Variants in FHIT observed in about 807,000 individuals in gnomAD.
FHIT encodes the protein fragile histidine triad diadenosine triphosphatase.
A neutral mutation model predicts 17.9 loss-of-function variants in FHIT; 19 were observed. The observed-to-expected ratio is 1.06, with a 90% CI of 0.74 to 1.56. The LOEUF (loss-of-function observed/expected upper bound fraction) is 1.56. Ranked by LOEUF, FHIT falls within the 40% of genes most tolerant of loss-of-function variation. The probability of loss-of-function intolerance (pLI) is 0.00; values close to 1 mark genes in which losing one functional copy is unlikely to be tolerated. For synonymous variants in FHIT, 81 were observed against 69.7 expected, an observed-to-expected ratio of 1.16 and a Z score of -0.81; for missense variants, 248 against 189.2, an observed-to-expected ratio of 1.31 and a Z score of -1.82.
At chr3:60,162,714 T>C (rs1432588377) in intron 5 of FHIT, among the ~76,000 whole-genome samples, 1 of 152,194 alleles carries the variant, frequency 6.6e-6, no homozygotes, top group Non-Finnish European at 1.5e-5. Context: ...GAAGTTAAAA[T>C]TGGAACCCAT....
intron 8 of FHIT, among the ~76,000 whole-genome samples, chr3:59,785,640 A>C (rs1702816841): frequency 6.6e-6 from 1 of 152,180 alleles, no homozygotes; most frequent in African/African-American, 2.4e-5. Context: ...TTTTCAGTGC[A>C]TGTATTCAGG....
At chr3:61,130,301 C>T (rs190073296) in intron 2 of FHIT, among the ~76,000 whole-genome samples, 59 of 152,322 alleles carry the variant, frequency 3.9e-4, no homozygotes, top group African/African-American at 1.1e-3. Flanking sequence ...TACAACTCCA[C>T]GTGTTGTGTT....
chr3:59,805,991 C>T (rs780438942), intron 8 of FHIT, among the ~76,000 whole-genome samples: 2 of 152,032 alleles, frequency 1.3e-5, no homozygotes, highest in Non-Finnish European at 2.9e-5. Flanking sequence ...ACCGTCCTGG[C>T]TAACACGGTG....
At chr3:60,728,491 A>T (rs1458153150) in intron 4 of FHIT, among the ~76,000 whole-genome samples, 1 of 152,156 alleles carries the variant, frequency 6.6e-6, no homozygotes, top group Non-Finnish European at 1.5e-5. Context: ...AGACGTTTGT[A>T]TTCCAGCCAG....
At chr3:60,133,738 C>CT (rs369954379) in intron 5 of FHIT, among the ~76,000 whole-genome samples, 1,717 of 144,476 alleles carry the variant, frequency 0.012, 20 homozygotes, top group African/African-American at 0.036. Context: ...CTCCTCCTGA[C>CT]TTTTTTTTTT....
chr3:60,239,060 G>A (rs1321642793), intron 5 of FHIT, among the ~76,000 whole-genome samples: 1 of 152,162 alleles, frequency 6.6e-6, no homozygotes, highest in Admixed American at 6.5e-5. Flanking sequence ...GCACACTGCA[G>A]CCATTTCAGC....
chr3:60,811,832 A>G, intron 4 of FHIT, among the ~76,000 whole-genome samples: 1 of 152,294 alleles, frequency 6.6e-6, no homozygotes, highest in Middle Eastern at 3.4e-3. Context: ...GGGATAATAT[A>G]TATTTCTAAG....
intron 5 of FHIT, among the ~76,000 whole-genome samples, chr3:60,201,116 T>C (rs1483648349): frequency 2.0e-5 from 3 of 152,146 alleles, no homozygotes; most frequent in Non-Finnish European, 4.4e-5. Flanking sequence ...TTTTGGTCTT[T>C]ACTGCTCCCT....
chr3:60,143,137 C>A (rs949818303), intron 5 of FHIT, among the ~76,000 whole-genome samples: 1 of 151,990 alleles, frequency 6.6e-6, no homozygotes, highest in African/African-American at 2.4e-5. Flanking sequence ...TGTTAGAGGC[C>A]GAGAACATAA....
chr3:60,462,306 G>A (rs903415126), intron 5 of FHIT, among the ~76,000 whole-genome samples: 1 of 152,084 alleles, frequency 6.6e-6, no homozygotes, highest in Non-Finnish European at 1.5e-5. Flanking sequence ...TTTTACAGAG[G>A]AGCCACTGAG....
At chr3:60,326,903 C>T (rs777044109) in intron 5 of FHIT, among the ~76,000 whole-genome samples, 10 of 152,046 alleles carry the variant, frequency 6.6e-5, no homozygotes, top group African/African-American at 2.2e-4. Context: ...TCACAGTAAT[C>T]GAAAAATAAC....
At chr3:60,333,995 C>G (rs183098010) in intron 5 of FHIT, among the ~76,000 whole-genome samples, 1 of 152,130 alleles carries the variant, frequency 6.6e-6, no homozygotes, top group East Asian at 1.9e-4. Flanking sequence ...ACATAAACCC[C>G]TCATTTTAGT....
intron 8 of FHIT, among the ~76,000 whole-genome samples, chr3:59,771,375 A>G (rs1230850634): frequency 6.6e-6 from 1 of 152,212 alleles, no homozygotes; most frequent in Non-Finnish European, 1.5e-5. Context: ...GGAATATGAT[A>G]ATAATTTTTA....
chr3:60,838,368 A>G (rs2106849441), intron 3 of FHIT, among the ~76,000 whole-genome samples: 1 of 152,200 alleles, frequency 6.6e-6, no homozygotes, highest in South Asian at 2.1e-4. Flanking sequence ...GCGACTCAGG[A>G]GGCTGAGGCA....
At chr3:60,825,015 A>G (rs1348242545) in intron 3 of FHIT, among the ~76,000 whole-genome samples, 8 of 152,380 alleles carry the variant, frequency 5.3e-5, no homozygotes, top group Middle Eastern at 3.4e-3. Context: ...CTTTATTTCT[A>G]TCAGACTAGT....
intron 4 of FHIT, among the ~76,000 whole-genome samples, chr3:60,741,330 A>G (rs1167419781): frequency 1.3e-5 from 2 of 152,100 alleles, no homozygotes; most frequent in Admixed American, 1.3e-4. Context: ...ATCTGACCCT[A>G]TTGCAATCGA....
At chr3:60,204,552 A>T (rs1466949189) in intron 5 of FHIT, among the ~76,000 whole-genome samples, 1 of 151,884 alleles carries the variant, frequency 6.6e-6, no homozygotes, top group Non-Finnish European at 1.5e-5. Context: ...CGGCCTCCCA[A>T]AGTGCTGGGA....
intron 5 of FHIT, among the ~76,000 whole-genome samples, chr3:60,025,443 C>T (rs1052043463): frequency 3.9e-5 from 6 of 152,160 alleles, no homozygotes; most frequent in Admixed American, 2.6e-4. Context: ...GACTTTTGCT[C>T]ACTTTGGCTT....
chr3:60,980,360 T>C (rs1331432202), intron 3 of FHIT, among the ~76,000 whole-genome samples: 2 of 152,200 alleles, frequency 1.3e-5, no homozygotes, highest in Non-Finnish European at 2.9e-5. Flanking sequence ...ATATAAGGAA[T>C]GTCACAAGAC....
Sources: gnomAD v4.1 joint callset for allele counts (sites outside exome capture counted in the v4.1 genomes callset) on GRCh38, gnomAD v4.1.1 for gene constraint, MANE v1.5 for transcripts, NCBI Gene and HGNC (gene_info 2026-07-23, HGNC 2026-07-21) for gene names.